The following ITPR3 variants were observed in gnomAD, a reference collection of about 807,000 sequenced individuals.
ITPR3 encodes the protein inositol 1,4,5-trisphosphate receptor type 3, also known as inositol 1,4,5-trisphosphate-gated calcium channel ITPR3.
ITPR3 carries 173 observed loss-of-function variants against 293.2 expected under a neutral mutation model. That is an observed-to-expected ratio of 0.59 (90% CI 0.52 to 0.67). The LOEUF is 0.67. Ranked by LOEUF, ITPR3 falls within the 30% of genes least tolerant of loss-of-function variation. The pLI, the probability that ITPR3 is intolerant of heterozygous loss-of-function variation, is 0.00. For missense variants in ITPR3, 2,796 were observed against 3,592.1 expected, an observed-to-expected ratio of 0.78 and a Z score of 5.66; for synonymous variants, 1,295 against 1,444.4, an observed-to-expected ratio of 0.90 and a Z score of 2.35.
At chr6:33,694,795 A>G in intron 56 of ITPR3, 129 bp from the exon 57 acceptor site, 1 of 1,198,498 alleles carries the variant, frequency 8.3e-7, no homozygotes, top group South Asian at 1.3e-5. Context: ...AGATTTTCCC[A>G]TGACACATCC....
chr6:33,681,493 T>C (rs1765076170), intron 33 of ITPR3, among the ~76,000 whole-genome samples: 1 of 152,186 alleles, frequency 6.6e-6, no homozygotes, highest in South Asian at 2.1e-4. Context: ...TCTCGAAAGA[T>C]TCATGGCTCC....
At position 33,687,165 on chromosome 6, in the gene ITPR3, A is replaced by G; in HGVS notation, c.6075+61A>G. On this transcript the variant is annotated intron_variant, in intron 44 of 57. Coordinates refer to ENST00000605930, the MANE Select transcript of ITPR3 (RefSeq NM_002224.4). The surrounding 1 kb of genome is among the most constrained non-coding windows in gnomAD (Gnocchi z 5.3). ...GGTGGAGTGTGTTGGGATGGGGATGAGGGCCCGGCTGGCCCTACCGCCCTA... is the reference window on the plus strand; with the variant it reads ...GGTGGAGTGTGTTGGGATGGGGATGGGGGCCCGGCTGGCCCTACCGCCCTA... 2.5e-6 allele frequency: 4 copies of G among 1,597,968 alleles called. No individual in the cohort carries two copies. Among genetic ancestry groups the G allele is most frequent in the Non-Finnish European group, 3.4e-6 (4 of 1,166,102 alleles).
rs1037830768 is a variant in ITPR3 at position 33,683,375 on chromosome 6, A to G, written c.4766A>G (p.Lys1589Arg). 2.1e-5 allele frequency: 33 copies of G among 1,584,808 alleles called. No individual in the cohort carries two copies. The highest frequency in any genetic ancestry group is 2.7e-5 in the African/African-American group (2 of 74,554). The change falls in exon 35 of 58, where the codon AAG becomes AGG. Residue 1589 changes from lysine (K) to arginine (R), a missense_variant. Around this residue, in one of 8 missense-constraint regions of ITPR3, gnomAD observed 704 missense variants for 797.5 expected, o/e 0.88. Coordinates refer to ENST00000605930, the MANE Select transcript of ITPR3 (RefSeq NM_002224.4). This position sits in a 1 kb window ranked among gnomAD's most constrained non-coding sequence, Gnocchi z 4.5. The stretch of plus-strand genomic sequence containing the variant: ...CCCACCGCCAACCAGTGGGACTACA[A>G]GAACATCATTGAGAAGCTGCAGGTG... ...VTPTANQWDY[K>R]NIIEKLQDII...
chr6:33,655,789 A>G lies in ITPR3; in HGVS notation c.184A>G (p.Met62Val), dbSNP rs1217688798. ...AGACTGCCTCTTCAAGGTGTGCCCC[A>G]TGAACCGCTACTCGGCCCAGAAGCA... is the stretch of plus-strand genomic sequence containing the variant. ...FRDCLFKVCP[M>V]NRYSAQKQYW... The change falls in exon 3 of 58, where the codon ATG becomes GTG. Residue 62 changes from methionine (M) to valine (V), a missense_variant. Met to Val is a conservative substitution (Grantham distance 21, BLOSUM62 1). Transcript: ENST00000605930. This position sits in a 1 kb window ranked among gnomAD's most constrained non-coding sequence, Gnocchi z 4.9. 6.2e-7 allele frequency: 1 copy of G among 1,614,068 alleles called. No homozygotes were observed. Among genetic ancestry groups the G allele is most frequent in the East Asian group, 2.2e-5 (1 of 44,874 alleles).
intron 6 of ITPR3, 108 bp downstream of exon 6, chr6:33,659,227 T>A: frequency 4.5e-6 from 5 of 1,105,288 alleles, no homozygotes; most frequent in Non-Finnish European, 5.4e-6. Flanking sequence ...CCATCTGACC[T>A]GCCGGACAAG....
rs541406995 is a variant in ITPR3 at position 33,696,444 on chromosome 6, C to T, written c.*664C>T. 2.6e-5 allele frequency: 4 copies of T among 152,912 alleles called. No individual in the cohort carries two copies. In the South Asian group the frequency reaches 8.3e-4, roughly 32 times the overall value. The allele number at this position is 152,912 out of a possible 1,614,324, so 9.5% of individuals were successfully genotyped here. A position where few individuals can be genotyped will look rare whatever the true frequency, so the allele number is the denominator to read the frequency against. On this transcript the variant is annotated 3_prime_UTR_variant, in exon 58 of 58. Transcript: ENST00000605930. ...GTACGCCCAGGCAACAAGGGCTGAG[C>T]TGCGCTTGCGTGGCTGTTTCATGAC...
At chr6:33,689,870 G>C (rs536795628) in intron 50 of ITPR3, among the ~76,000 whole-genome samples, 164 bp from the exon 51 acceptor site, 6 of 152,312 alleles carry the variant, frequency 3.9e-5, no homozygotes, top group Non-Finnish European at 7.4e-5. Context: ...GAGGACCCAA[G>C]GGGCTGCCTC....
At chr6:33,631,432 C>G (rs914421753) in intron 1 of ITPR3, among the ~76,000 whole-genome samples, 1 of 152,156 alleles carries the variant, frequency 6.6e-6, no homozygotes, top group Non-Finnish European at 1.5e-5. Context: ...CGGCCCTTCC[C>G]TTTTAGGTAG....
In ITPR3 at chr6:33,672,928, C is replaced by G. The variant is rs1764807875; in HGVS notation, c.2929-663C>G. 6.6e-6 allele frequency among the ~76,000 whole-genome samples: 1 copy of G among 152,160 alleles called. No homozygotes were observed. Among genetic ancestry groups the G allele is most frequent in the Non-Finnish European group, 1.5e-5 (1 of 68,006 alleles). ...TCATCCCCGAGGAGGGATGAGGATG[C>G]TTGCTTTTGCCTTGCTGTCACCGGA... On this transcript the variant is annotated intron_variant, in intron 22 of 57. Transcript: ENST00000605930. This position sits in a 1 kb window ranked among gnomAD's most constrained non-coding sequence, Gnocchi z 5.0.
rs1161919152 is a variant in ITPR3 at position 33,689,233 on chromosome 6, C to T, written c.6695-5C>T. The T allele has an allele frequency of 1.9e-6, 3 of 1,608,146 alleles. No individual in the cohort carries two copies. Among genetic ancestry groups the T allele is most frequent in the Non-Finnish European group, 8.5e-7 (1 of 1,179,854 alleles). Reference sequence around the variant, plus strand: ...AGCCCTGCTCACCCTGCCCCTGGCCCCCAGGCGTGCTGGACTCCCCTCTCA... The same window carrying T: ...AGCCCTGCTCACCCTGCCCCTGGCCTCCAGGCGTGCTGGACTCCCCTCTCA... On this transcript the variant is annotated splice_polypyrimidine_tract_variant and splice_region_variant and intron_variant, in intron 49 of 57. Transcript: ENST00000605930.
At chr6:33,631,713 T>C (rs1195976732) in intron 1 of ITPR3, among the ~76,000 whole-genome samples, 1 of 152,052 alleles carries the variant, frequency 6.6e-6, no homozygotes, top group African/African-American at 2.4e-5. Flanking sequence ...AGCAGAGTGT[T>C]CCCCAACTCT....
chr6:33,666,283 GTGCT>G lies in ITPR3; in HGVS notation c.1551+309_1551+312del, dbSNP rs1764607289. Among the ~76,000 whole-genome samples, 1 of 143,158 alleles carries G rather than the reference GTGCT, an allele frequency of 7.0e-6. No homozygotes were observed. Among genetic ancestry groups the G allele is most frequent in the Non-Finnish European group, 1.5e-5 (1 of 65,560 alleles). The allele number at this position is 143,158 out of a possible 152,430, so 93.9% of individuals were successfully genotyped here. On this transcript the variant is annotated intron_variant, in intron 14 of 57. Coordinates refer to ENST00000605930, the MANE Select transcript of ITPR3 (RefSeq NM_002224.4). The surrounding 1 kb of genome is among the most constrained non-coding windows in gnomAD (Gnocchi z 5.1). ...AGCTTGTGATGTTGGGTCCAGAGCT[GTGCT>G]TCAAAAAATTTTTTTAAAAATTTTT... is the stretch of plus-strand genomic sequence containing the variant.
At chr6:33,681,164 C>T (rs1369414795) in intron 33 of ITPR3, among the ~76,000 whole-genome samples, 1 of 152,196 alleles carries the variant, frequency 6.6e-6, no homozygotes, top group African/African-American at 2.4e-5. Flanking sequence ...TATCCCCAAA[C>T]CTAGCAGTTA....
In ITPR3 at chr6:33,691,157, G is replaced by A. The variant is rs181892522; in HGVS notation, c.7225+48G>A. On this transcript the variant is annotated intron_variant, in intron 52 of 57. Transcript: ENST00000605930. This position sits in a 1 kb window ranked among gnomAD's most constrained non-coding sequence, Gnocchi z 4.9. ...GGCAGGTTGTGGGGAATGAGGTTGG[G>A]TCTCACAAATGTCTGGCGTCAGGAC... 5.0e-6 allele frequency: 8 copies of A among 1,585,644 alleles called. No individual in the cohort carries two copies. In the Admixed American group the frequency reaches 6.7e-5, roughly 13 times the overall value.
At chr6:33,660,606 C>T (rs1041407218) in intron 7 of ITPR3, among the ~76,000 whole-genome samples, 2 of 152,138 alleles carry the variant, frequency 1.3e-5, no homozygotes, top group African/African-American at 2.4e-5. Context: ...CCTAATGTTC[C>T]AGCCCCGAAT....
intron 1 of ITPR3, among the ~76,000 whole-genome samples, chr6:33,628,158 C>T (rs952935118): frequency 1.8e-4 from 28 of 152,158 alleles, no homozygotes; most frequent in African/African-American, 6.8e-4. Context: ...GGGGAGGTTT[C>T]TGGGTTTGGA....
Position 33,688,340 on chromosome 6 carries a change from T to C in ITPR3, c.6477T>C (p.Thr2159=), listed in dbSNP as rs749318446. The change falls in exon 48 of 58, where the codon ACT becomes ACC. Residue 2159 remains threonine, a synonymous_variant. Coordinates refer to ENST00000605930, the MANE Select transcript of ITPR3 (RefSeq NM_002224.4). ...EETKHRLFTT[T]EQDEQGSKVS... ...CCAAGCACCGGCTCTTCACCACTAC[T>C]GAGCAGGACGAGCAGGGCAGCAAAG... 2 of 1,613,380 alleles carry C rather than the reference T, an allele frequency of 1.2e-6. No individual in the cohort carries two copies. Among genetic ancestry groups the C allele is most frequent in the East Asian group, 2.2e-5 (1 of 44,820 alleles).
chr6:33,680,779 C>A, intron 33 of ITPR3, 99 bp downstream of exon 33: 2 of 1,311,152 alleles, frequency 1.5e-6, no homozygotes, highest in Non-Finnish European at 1.0e-6. Context: ...GCTTATAGTA[C>A]AGAAAGAAGT....
intron 2 of ITPR3, among the ~76,000 whole-genome samples, chr6:33,644,510 C>T (rs900735878): frequency 1.3e-5 from 2 of 152,074 alleles, no homozygotes; most frequent in Non-Finnish European, 2.9e-5. Flanking sequence ...CTGCCTTCTC[C>T]AGAGGTAAAC....
Sources: allele counts gnomAD v4.1 joint callset (sites outside exome capture counted in the v4.1 genomes callset), GRCh38; gene constraint gnomAD v4.1.1; regional missense constraint gnomAD v4.1.1; non-coding constraint Gnocchi (gnomAD v3.1); transcripts MANE v1.5; gene names NCBI Gene and HGNC (gene_info 2026-07-23, HGNC 2026-07-21).